SNX29: variants seen among roughly 807,000 people sequenced by gnomAD.
The protein encoded by SNX29 is sorting nexin 29, also known as sorting nexin-29.
Under a neutral mutation model 102.1 loss-of-function variants are expected in SNX29, and 78 were observed. The ratio of observed to expected loss-of-function variants is 0.76; its 90% CI spans 0.64 to 0.92. SNX29 has a LOEUF of 0.92. SNX29 is among the 40% of genes least tolerant of loss of function. The pLI, the probability that SNX29 is intolerant of heterozygous loss-of-function variation, is 0.00. For missense variants in SNX29, 1,280 were observed against 1,061.7 expected (o/e 1.21, Z -2.86); for synonymous variants, 580 against 414.5 (o/e 1.40, Z -4.85).
intron 18 of SNX29, among the ~76,000 whole-genome samples, chr16:12,411,570 C>G (rs1272594308): frequency 6.6e-6 from 1 of 152,202 alleles, no homozygotes; most frequent in East Asian, 1.9e-4. Flanking sequence ...AATTTCCCTT[C>G]CAGTATAAAG....
chr16:12,569,847 G>C lies in SNX29; in HGVS notation c.*1218G>C, dbSNP rs748885500. 5.2e-5 allele frequency: 12 copies of C among 230,792 alleles called. No individual in the cohort carries two copies. The highest frequency in any genetic ancestry group is 1.7e-4 in the Admixed American group (3 of 17,686). 14.3% of individuals were successfully genotyped at this position (230,792 alleles called of 1,614,324 possible). ...ATTTCTAGGGTAAACTAACTAGGAA[G>C]GATGTCGTGAAATGGACTATGCAAG... On this transcript the variant is annotated 3_prime_UTR_variant, in exon 21 of 21. Transcript: ENST00000566228.
chr16:12,325,204 G>T (rs912959963), intron 15 of SNX29, among the ~76,000 whole-genome samples: 1 of 152,120 alleles, frequency 6.6e-6, no homozygotes, highest in South Asian at 2.1e-4. Flanking sequence ...TTTGACTATA[G>T]CCCTTCCAGT....
intron 15 of SNX29, among the ~76,000 whole-genome samples, chr16:12,316,116 G>T (rs1362384155): frequency 6.6e-6 from 1 of 152,190 alleles, no homozygotes; most frequent in Non-Finnish European, 1.5e-5. Flanking sequence ...TCTAGGAGGG[G>T]AGCATCCCAG....
chr16:12,437,617 C>G (rs1383555601), intron 18 of SNX29, among the ~76,000 whole-genome samples: 2 of 152,188 alleles, frequency 1.3e-5, no homozygotes, highest in Non-Finnish European at 2.9e-5. Context: ...CCTTTCCCCT[C>G]TTGACCCTGG....
In SNX29 at chr16:12,571,757, C is replaced by T. The variant is rs185618534; in HGVS notation, c.*3128C>T. 1 of 1,015,236 alleles carries T rather than the reference C, an allele frequency of 9.8e-7. No homozygotes were observed. Among genetic ancestry groups the T allele is most frequent in the Non-Finnish European group, 1.2e-6 (1 of 834,862 alleles). The allele number at this position is 1,015,236 out of a possible 1,614,324, so 62.9% of individuals were successfully genotyped here. ...AGAAACCTAGCCCAACCATCCACTC[C>T]TGATCTGAGACAGAACCTTCTCCGC... On this transcript the variant is annotated 3_prime_UTR_variant, in exon 21 of 21. Coordinates refer to ENST00000566228, the MANE Select transcript of SNX29 (RefSeq NM_032167.5).
intron 13 of SNX29, among the ~76,000 whole-genome samples, chr16:12,141,425 T>G (rs886180097): frequency 6.6e-6 from 1 of 152,200 alleles, no homozygotes; most frequent in Non-Finnish European, 1.5e-5. Context: ...AAGAAAGAAT[T>G]CAGGGCAAGT....
chr16:12,445,918 C>G (rs1029186976), intron 18 of SNX29, among the ~76,000 whole-genome samples: 3 of 152,304 alleles, frequency 2.0e-5, no homozygotes, highest in East Asian at 3.9e-4. Context: ...GGACACTAAG[C>G]TAGTAAATGT....
chr16:12,257,451 G>A (rs1045265523), intron 14 of SNX29, among the ~76,000 whole-genome samples: 14 of 152,186 alleles, frequency 9.2e-5, no homozygotes, highest in Admixed American at 6.5e-4. Flanking sequence ...CATATTCACA[G>A]CATCTTTGGG....
intron 19 of SNX29, among the ~76,000 whole-genome samples, chr16:12,501,978 G>A (rs978199456): frequency 7.9e-5 from 12 of 152,128 alleles, no homozygotes; most frequent in African/African-American, 2.2e-4. Flanking sequence ...GCCAACACTA[G>A]TTATAGGGTC....
At chr16:12,149,509 G>A (rs754100671) in intron 13 of SNX29, among the ~76,000 whole-genome samples, 4 of 152,174 alleles carry the variant, frequency 2.6e-5, no homozygotes, top group Non-Finnish European at 4.4e-5. Context: ...TATATGCTCT[G>A]TTCTGTAGTC....
At chr16:12,364,161 T>TTGTTATGTTGTTA in intron 16 of SNX29, among the ~76,000 whole-genome samples, 1 of 138,476 alleles carries the variant, frequency 7.2e-6, no homozygotes, top group East Asian at 2.2e-4. Context: ...CCTGGCTTGT[T>TTGTTATGTTGTTA]TGTTATGTTA....
chr16:12,408,353 G>A (rs556419702), intron 18 of SNX29, among the ~76,000 whole-genome samples: 73 of 152,348 alleles, frequency 4.8e-4, no homozygotes, highest in African/African-American at 1.5e-3. Context: ...CCACTGTGGT[G>A]CACACATTAT....
At chr16:12,484,709 C>T (rs1280104282) in intron 19 of SNX29, among the ~76,000 whole-genome samples, 5 of 152,152 alleles carry the variant, frequency 3.3e-5, no homozygotes, top group Non-Finnish European at 7.3e-5. Context: ...ATGGACGGCT[C>T]CTCCCATTCA....
At chr16:12,237,151 G>A (rs1567343195) in intron 14 of SNX29, among the ~76,000 whole-genome samples, 1 of 152,202 alleles carries the variant, frequency 6.6e-6, no homozygotes, top group Non-Finnish European at 1.5e-5. Context: ...CTCCAGAGTA[G>A]GCAGGTGGGA....
chr16:12,066,310 T>G (rs2051035161), intron 9 of SNX29, among the ~76,000 whole-genome samples: 1 of 152,180 alleles, frequency 6.6e-6, no homozygotes, highest in South Asian at 2.1e-4. Flanking sequence ...ACACGACTTG[T>G]GAGCCAAGAG....
chr16:12,409,800 C>G (rs971780833), intron 18 of SNX29, among the ~76,000 whole-genome samples: 2 of 152,154 alleles, frequency 1.3e-5, no homozygotes, highest in Non-Finnish European at 2.9e-5. Context: ...GATCTTAGGT[C>G]TTTCCCTTTG....
intron 3 of SNX29, among the ~76,000 whole-genome samples, chr16:12,015,734 A>G (rs1404249553): frequency 1.8e-5 from 2 of 108,432 alleles, no homozygotes; most frequent in Non-Finnish European, 3.9e-5. Context: ...ATAGGGTTTC[A>G]CCGTGTTAGC....
intron 20 of SNX29, among the ~76,000 whole-genome samples, chr16:12,544,086 G>A (rs900020173): frequency 1.3e-5 from 2 of 152,194 alleles, no homozygotes; most frequent in Non-Finnish European, 2.9e-5. Context: ...AGGTCTTTCT[G>A]CAGACTTGGT....
chr16:12,259,160 G>A (rs527958426), intron 14 of SNX29, among the ~76,000 whole-genome samples: 12 of 152,180 alleles, frequency 7.9e-5, no homozygotes, highest in South Asian at 4.1e-4. Flanking sequence ...CATCATCTCC[G>A]TGGGCTTTTG....
Sources: allele counts gnomAD v4.1 joint callset (sites outside exome capture counted in the v4.1 genomes callset), GRCh38; gene constraint gnomAD v4.1.1; transcripts MANE v1.5; gene names NCBI Gene and HGNC (gene_info 2026-07-23, HGNC 2026-07-21).